Variants in PCDH9 observed in about 807,000 individuals in gnomAD.
PCDH9 encodes the protein protocadherin-9.
In PCDH9, 24 loss-of-function variants were observed where a neutral mutation model predicts 70.6. The ratio of observed to expected loss-of-function variants is 0.34; its 90% CI spans 0.25 to 0.48. The LOEUF (loss-of-function observed/expected upper bound fraction) is 0.48, where lower values mean the gene tolerates loss of function less well. PCDH9 is among the 20% of genes least tolerant of loss of function. PCDH9 has a pLI of 0.99. For missense variants in PCDH9, 1,281 were observed against 1,503.6 expected, an observed-to-expected ratio of 0.85 and a Z score of 2.45; for synonymous variants, 562 against 558.5, an observed-to-expected ratio of 1.01 and a Z score of -0.09.
chr13:66,530,749 T>C (rs1376925179), intron 4 of PCDH9, among the ~76,000 whole-genome samples: 2 of 152,258 alleles, frequency 1.3e-5, no homozygotes, highest in Admixed American at 6.5e-5. Flanking sequence ...ATAGATGTTT[T>C]ATCCAGTTAA....
intron 4 of PCDH9, among the ~76,000 whole-genome samples, chr13:66,567,441 C>T (rs1371909081): frequency 6.6e-6 from 1 of 152,138 alleles, no homozygotes; most frequent in Non-Finnish European, 1.5e-5. Flanking sequence ...GAATGCCAAT[C>T]TTTAACCTTC....
chr13:66,531,799 A>G (rs980063025), intron 4 of PCDH9, among the ~76,000 whole-genome samples: 2 of 152,114 alleles, frequency 1.3e-5, no homozygotes, highest in Non-Finnish European at 2.9e-5. Flanking sequence ...TGTTCATTAG[A>G]TTTTAAGGTA....
At chr13:66,842,728 T>A (rs549079913) in intron 3 of PCDH9, among the ~76,000 whole-genome samples, 1 of 152,298 alleles carries the variant, frequency 6.6e-6, no homozygotes, top group African/African-American at 2.4e-5. Flanking sequence ...GAATAAAATA[T>A]CATCTCCTGT....
chr13:66,931,745 G>A (rs567633390), intron 2 of PCDH9, among the ~76,000 whole-genome samples: 3 of 151,994 alleles, frequency 2.0e-5, no homozygotes, highest in African/African-American at 7.3e-5. Context: ...ATCAGCCATC[G>A]ATTCTCTTAA....
intron 2 of PCDH9, among the ~76,000 whole-genome samples, chr13:67,160,287 T>G (rs2087919986): frequency 6.6e-6 from 1 of 152,214 alleles, no homozygotes; most frequent in African/African-American, 2.4e-5. Context: ...GGCTCACGCC[T>G]GTAATCCCAA....
chr13:66,807,253 T>A (rs2080425297), intron 3 of PCDH9, among the ~76,000 whole-genome samples: 1 of 152,172 alleles, frequency 6.6e-6, no homozygotes, highest in Admixed American at 6.5e-5. Context: ...TTCCTTCACC[T>A]AAAACATACA....
At chr13:66,430,228 A>G (rs774446450) in intron 4 of PCDH9, among the ~76,000 whole-genome samples, 8 of 152,112 alleles carry the variant, frequency 5.3e-5, no homozygotes, top group Non-Finnish European at 1.0e-4. Context: ...ATTTTTACTA[A>G]TGACAGACAC....
At chr13:67,135,075 T>C (rs2087202720) in intron 2 of PCDH9, among the ~76,000 whole-genome samples, 1 of 152,124 alleles carries the variant, frequency 6.6e-6, no homozygotes. Context: ...TAATAATGCA[T>C]TTTGTTGATT....
chr13:66,383,759 T>C (rs1420786992), intron 4 of PCDH9, among the ~76,000 whole-genome samples: 2 of 152,194 alleles, frequency 1.3e-5, no homozygotes, highest in East Asian at 1.9e-4. Flanking sequence ...AAAACATTTC[T>C]AGACAGAAAT....
chr13:66,874,159 C>T (rs2081753292), intron 3 of PCDH9, among the ~76,000 whole-genome samples: 1 of 151,850 alleles, frequency 6.6e-6, no homozygotes, highest in Non-Finnish European at 1.5e-5. Context: ...TCTTAATATA[C>T]ATCCTGAGCA....
At chr13:66,976,416 C>T in intron 2 of PCDH9, among the ~76,000 whole-genome samples, 1 of 152,060 alleles carries the variant, frequency 6.6e-6, no homozygotes, top group East Asian at 1.9e-4. Flanking sequence ...TGAGGATTAT[C>T]TGAGCCCTTT....
chr13:66,724,229 G>T (rs917734719), intron 3 of PCDH9, among the ~76,000 whole-genome samples: 12 of 152,028 alleles, frequency 7.9e-5, no homozygotes, highest in African/African-American at 2.7e-4. Context: ...TTCACTTCAG[G>T]TGTTATTTAA....
At chr13:66,577,557 G>A (rs2076832361) in intron 4 of PCDH9, among the ~76,000 whole-genome samples, 1 of 151,952 alleles carries the variant, frequency 6.6e-6, no homozygotes, top group South Asian at 2.1e-4. Context: ...TCCCTCGTCA[G>A]TCAGTAGCCC....
chr13:66,672,078 C>T (rs866645636), intron 3 of PCDH9, among the ~76,000 whole-genome samples: 29 of 152,260 alleles, frequency 1.9e-4, no homozygotes, highest in Middle Eastern at 6.8e-3. Flanking sequence ...AGTCTTGCTG[C>T]TTGTGCAGTC....
At chr13:67,048,237 G>A (rs1251297372) in intron 2 of PCDH9, among the ~76,000 whole-genome samples, 4 of 152,132 alleles carry the variant, frequency 2.6e-5, no homozygotes, top group Non-Finnish European at 5.9e-5. Context: ...GCTGAAAATG[G>A]CATGGAAACC....
At chr13:66,808,981 T>G (rs554525964) in intron 3 of PCDH9, among the ~76,000 whole-genome samples, 1 of 152,340 alleles carries the variant, frequency 6.6e-6, no homozygotes, top group South Asian at 2.1e-4. Flanking sequence ...GGAGTCTTGC[T>G]CTGTCACCCA....
intron 2 of PCDH9, among the ~76,000 whole-genome samples, chr13:66,949,653 T>C (rs1744633650): frequency 1.3e-5 from 2 of 151,894 alleles, no homozygotes; most frequent in Non-Finnish European, 2.9e-5. Context: ...ATGTAAATAC[T>C]CCTGGGAGAT....
At chr13:66,780,190 A>C (rs1211603462) in intron 3 of PCDH9, among the ~76,000 whole-genome samples, 2 of 152,118 alleles carry the variant, frequency 1.3e-5, no homozygotes, top group Non-Finnish European at 2.9e-5. Context: ...GTCTTTATGC[A>C]TCCCATAACA....
chr13:66,983,681 T>A (rs571750377), intron 2 of PCDH9, among the ~76,000 whole-genome samples: 17 of 152,110 alleles, frequency 1.1e-4, no homozygotes, highest in African/African-American at 2.9e-4. Flanking sequence ...CACTCTTTTT[T>A]AAAAAAAACT....
Sources: gnomAD v4.1 joint callset for allele counts (sites outside exome capture counted in the v4.1 genomes callset) on GRCh38, gnomAD v4.1.1 for gene constraint, MANE v1.5 for transcripts, NCBI Gene and HGNC (gene_info 2026-07-23, HGNC 2026-07-21) for gene names.